The following PKP2 variants were observed in gnomAD, a reference collection of about 807,000 sequenced individuals.
PKP2 encodes plakophilin 2.
A neutral mutation model predicts 83.4 loss-of-function variants in PKP2; 73 were observed. The ratio of observed to expected loss-of-function variants is 0.88; its 90% CI spans 0.72 to 1.06. The LOEUF is 1.06. Ranked by LOEUF, PKP2 falls within the 50% of genes least tolerant of loss-of-function variation. The pLI, the probability that PKP2 is intolerant of heterozygous loss-of-function variation, is 0.00. For synonymous variants in PKP2, 409 were observed against 430.4 expected, an observed-to-expected ratio of 0.95 and a Z score of 0.62; for missense variants, 966 against 1,065.4, an observed-to-expected ratio of 0.91 and a Z score of 1.30.
intron 5 of PKP2, among the ~76,000 whole-genome samples, chr12:32,848,436 G>A (rs1956667910): frequency 6.6e-6 from 1 of 151,976 alleles, no homozygotes; most frequent in Non-Finnish European, 1.5e-5. Context: ...AAAAGAAAAA[G>A]AGAATAGAGA....
intron 4 of PKP2, among the ~76,000 whole-genome samples, chr12:32,852,851 A>G (rs140334964): frequency 1.3e-3 from 195 of 152,288 alleles, no homozygotes; most frequent in African/African-American, 4.6e-3. Context: ...TGGGAGGTCA[A>G]GGTGGGCGGA....
At chr12:32,821,921 G>A in intron 8 of PKP2, 1 of 250,528 alleles carries the variant, frequency 4.0e-6, no homozygotes, top group Non-Finnish European at 7.7e-6. Flanking sequence ...TAGCACCAGG[G>A]TTCTAAATTT....
At chr12:32,889,693 G>C (rs572268526) in intron 1 of PKP2, among the ~76,000 whole-genome samples, 1 of 152,242 alleles carries the variant, frequency 6.6e-6, no homozygotes, top group Admixed American at 6.5e-5. Context: ...TAGATGGAAG[G>C]TGCTCAAATA....
chr12:32,888,750 C>T (rs1241749946), intron 1 of PKP2, among the ~76,000 whole-genome samples: 1 of 151,926 alleles, frequency 6.6e-6, no homozygotes, highest in Non-Finnish European at 1.5e-5. Context: ...GCCTCAGCCT[C>T]CCAAAGTGCT....
Position 32,804,138 on chromosome 12 carries a change from G to A in PKP2, c.2014-1582C>T, listed in dbSNP as rs1424622387. On this transcript the variant is annotated intron_variant, in intron 9 of 12. Transcript: ENST00000340811. Reference sequence around the variant, plus strand: ...CGTCTCTACCATGCTGTGTTTTGATGGAAAGGTAACTGTCCACTGTATTTT... The same window carrying A: ...CGTCTCTACCATGCTGTGTTTTGATAGAAAGGTAACTGTCCACTGTATTTT... Among the ~76,000 whole-genome samples the A allele has an allele frequency of 2.0e-5, 3 of 152,144 alleles. No individual in the cohort carries two copies. The East Asian group carries it at 5.8e-4, about 29-fold the overall frequency.
At chr12:32,887,207 G>A (rs905526183) in intron 1 of PKP2, among the ~76,000 whole-genome samples, 3 of 152,160 alleles carry the variant, frequency 2.0e-5, no homozygotes, top group Non-Finnish European at 2.9e-5. Flanking sequence ...TTCTTAAAAC[G>A]TTGAATATGC....
intron 1 of PKP2, among the ~76,000 whole-genome samples, chr12:32,884,768 T>C (rs1260913929): frequency 2.6e-5 from 4 of 151,612 alleles, no homozygotes. Context: ...TGGTTTACAC[T>C]GTGTTGTAGA....
intron 5 of PKP2, among the ~76,000 whole-genome samples, chr12:32,842,744 G>A (rs1197568311): frequency 6.6e-6 from 1 of 151,242 alleles, no homozygotes; most frequent in Non-Finnish European, 1.5e-5. Flanking sequence ...GCGCAATCTC[G>A]GCTACCTGCA....
In PKP2 at chr12:32,796,314, A is replaced by G. The variant is rs746498808; in HGVS notation, c.2168-16T>C. On this transcript the variant is annotated splice_polypyrimidine_tract_variant and intron_variant, in intron 10 of 12. Transcript: ENST00000340811. ...GTTTCTTTGGCTACAAAATGAAAAA[A>G]AAAACAAAACACTTGATTAAAAAGA... is the stretch of plus-strand genomic sequence containing the variant. The G allele has an allele frequency of 1.3e-6, 2 of 1,593,184 alleles. No individual in the cohort carries two copies. The highest frequency in any genetic ancestry group is 4.5e-5 in the East Asian group (2 of 44,174).
chr12:32,793,259 TAAAC>T (rs766380910), intron 11 of PKP2, among the ~76,000 whole-genome samples: 9 of 151,980 alleles, frequency 5.9e-5, no homozygotes, highest in Non-Finnish European at 8.8e-5. Flanking sequence ...ATAATAATAA[TAAAC>T]AAACAAGTAA....
At position 32,821,404 on chromosome 12, in the gene PKP2, T is replaced by C. The variant is rs727505293; in HGVS notation, c.1965A>G (p.Gln655=). The change falls in exon 9 of 13, where the codon CAA becomes CAG. Residue 655 remains glutamine, a synonymous_variant. Transcript: ENST00000340811. Reference sequence around the variant, plus strand: ...TCTGCAGAGCTCCTAAGGATGCTTCTTGTGTGTAGTTGCGGACACTTTTGG... The same window carrying C: ...TCTGCAGAGCTCCTAAGGATGCTTCCTGTGTGTAGTTGCGGACACTTTTGG... ...LIAKSVRNYT[Q]EASLGALQNL... 4.2e-5 allele frequency: 67 copies of C among 1,614,046 alleles called. No homozygotes were observed. The Middle Eastern group carries it at 6.6e-4, about 16-fold the overall frequency.
chr12:32,882,310 T>G (rs1189435392), intron 1 of PKP2, among the ~76,000 whole-genome samples: 1 of 152,146 alleles, frequency 6.6e-6, no homozygotes. Context: ...TTCCTGTTAC[T>G]CTATAATAAA....
At chr12:32,795,189 CCTT>C (rs1342555178) in intron 11 of PKP2, among the ~76,000 whole-genome samples, 1 of 151,284 alleles carries the variant, frequency 6.6e-6, no homozygotes, top group Non-Finnish European at 1.5e-5. Flanking sequence ...TCATTCTCCT[CCTT>C]TTTTTTTTTA....
chr12:32,818,864 C>A (rs1176661095), intron 9 of PKP2, among the ~76,000 whole-genome samples: 1 of 152,038 alleles, frequency 6.6e-6, no homozygotes, highest in Non-Finnish European at 1.5e-5. Flanking sequence ...TTCAATGATT[C>A]CTTGTTTGAA....
chr12:32,845,798 A>AT (rs1276753111), intron 5 of PKP2, among the ~76,000 whole-genome samples: 5 of 151,378 alleles, frequency 3.3e-5, no homozygotes, highest in Non-Finnish European at 5.9e-5. Flanking sequence ...AGTGGGAGGA[A>AT]TTTTTTTTTA....
intron 7 of PKP2, among the ~76,000 whole-genome samples, chr12:32,823,663 G>A (rs1221996135): frequency 6.6e-6 from 1 of 150,672 alleles, no homozygotes; most frequent in East Asian, 2.0e-4. Flanking sequence ...CTGGAGTGCA[G>A]TGGCGCAATC....
rs150821281 is a variant in PKP2, at chr12:32,878,461, G to A, written c.419C>T (p.Ser140Phe). 5,650 of 1,614,122 alleles carry A rather than the reference G, an allele frequency of 3.5e-3. 12 individuals carry two copies. The highest frequency in any genetic ancestry group is 4.3e-3 in the Non-Finnish European group (5,043 of 1,180,010). Residue 140 changes from serine to phenylalanine, a missense_variant, in exon 3 of 13, where the codon TCC becomes TTC. Ser to Phe is a radical substitution (Grantham distance 155, BLOSUM62 -2). Transcript: ENST00000340811. ...CAGTCTCCTCAGAGGATGCCTCAAG[G>A]ACCTTTCTTCCACGGACTTCTGGGA... ...YSSQKSVEER[S>F]LRHPLRRLEI...
chr12:32,889,545 T>C (rs1957059290), intron 1 of PKP2, among the ~76,000 whole-genome samples: 1 of 152,242 alleles, frequency 6.6e-6, no homozygotes, highest in African/African-American at 2.4e-5. Context: ...ATTAGTCAGA[T>C]TACCTGTACA....
chr12:32,862,612 T>C (rs925862048), intron 4 of PKP2, among the ~76,000 whole-genome samples: 1 of 151,406 alleles, frequency 6.6e-6, no homozygotes, highest in African/African-American at 2.4e-5. Flanking sequence ...GCCATTGCAC[T>C]CCAGCCTGGG....
Sources: allele counts gnomAD v4.1 joint callset (sites outside exome capture counted in the v4.1 genomes callset), GRCh38; gene constraint gnomAD v4.1.1; transcripts MANE v1.5; gene names NCBI Gene and HGNC (gene_info 2026-07-23, HGNC 2026-07-21).